Variants in SYNDIG1 observed in about 807,000 individuals in gnomAD.
SYNDIG1 encodes the protein synapse differentiation inducing 1, also known as synapse differentiation-inducing gene protein 1.
A neutral mutation model predicts 19.4 loss-of-function variants in SYNDIG1; 9 were observed. The observed-to-expected ratio is 0.46, with a 90% CI of 0.28 to 0.81. The LOEUF is 0.81. SYNDIG1 is among the 30% of genes least tolerant of loss of function. The pLI is 0.12. For synonymous variants in SYNDIG1, 141 were observed against 145.9 expected, an observed-to-expected ratio of 0.97 and a Z score of 0.24; for missense variants, 311 against 343.3, an observed-to-expected ratio of 0.91 and a Z score of 0.74.
At chr20:24,524,527 C>G (rs959216935) in intron 1 of SYNDIG1, among the ~76,000 whole-genome samples, 1 of 152,028 alleles carries the variant, frequency 6.6e-6, no homozygotes, top group African/African-American at 2.4e-5. Flanking sequence ...CGCCTGTAGT[C>G]CCAGCTACCC....
intron 2 of SYNDIG1, among the ~76,000 whole-genome samples, chr20:24,581,918 A>G (rs2058329909): frequency 6.9e-6 from 1 of 144,850 alleles, no homozygotes; most frequent in African/African-American, 2.6e-5. Flanking sequence ...CATCCTCTGC[A>G]CTGTACGTCC....
At chr20:24,627,278 G>GA (rs527297816) in intron 3 of SYNDIG1, among the ~76,000 whole-genome samples, 305 of 152,318 alleles carry the variant, frequency 2.0e-3, no homozygotes, top group African/African-American at 6.9e-3. Flanking sequence ...CCAGTCCCTT[G>GA]AAAATACAAA....
chr20:24,473,861 A>G (rs537418656), intron 1 of SYNDIG1, among the ~76,000 whole-genome samples: 2 of 152,328 alleles, frequency 1.3e-5, no homozygotes, highest in South Asian at 4.1e-4. Flanking sequence ...TGGTTTTCAA[A>G]ATCCTGGAAA....
At chr20:24,637,270 G>A (rs2059325566) in intron 3 of SYNDIG1, among the ~76,000 whole-genome samples, 1 of 152,170 alleles carries the variant, frequency 6.6e-6, no homozygotes, top group Admixed American at 6.5e-5. Flanking sequence ...CCAGCACTCT[G>A]TGGTGTGTCT....
intron 1 of SYNDIG1, among the ~76,000 whole-genome samples, chr20:24,505,226 G>A (rs773978837): frequency 1.3e-5 from 2 of 152,058 alleles, no homozygotes; most frequent in Non-Finnish European, 2.9e-5. Context: ...CTGGCAAAGA[G>A]TCATTGAGAA....
chr20:24,584,412 C>G (rs1200708611), intron 2 of SYNDIG1, among the ~76,000 whole-genome samples: 1 of 152,122 alleles, frequency 6.6e-6, no homozygotes, highest in Non-Finnish European at 1.5e-5. Context: ...CTGAGAGTCT[C>G]CAGTCCATCC....
At chr20:24,523,594 A>G (rs1002522522) in intron 1 of SYNDIG1, among the ~76,000 whole-genome samples, 1 of 152,236 alleles carries the variant, frequency 6.6e-6, no homozygotes, top group Non-Finnish European at 1.5e-5. Context: ...CAGATAAAGG[A>G]AAATATAGTG....
intron 3 of SYNDIG1, among the ~76,000 whole-genome samples, chr20:24,589,700 C>A (rs1460641964): frequency 6.6e-6 from 1 of 152,200 alleles, no homozygotes; most frequent in Non-Finnish European, 1.5e-5. Context: ...GATCTAATTT[C>A]ATTTCATAAA....
intron 3 of SYNDIG1, among the ~76,000 whole-genome samples, chr20:24,644,475 G>A (rs373855248): frequency 1.3e-5 from 2 of 152,212 alleles, no homozygotes; most frequent in East Asian, 3.8e-4. Context: ...ACAGTGGAGT[G>A]CAGGAAGAGG....
chr20:24,571,668 C>G (rs1317408472), intron 2 of SYNDIG1, among the ~76,000 whole-genome samples: 2 of 152,048 alleles, frequency 1.3e-5, no homozygotes, highest in East Asian at 3.9e-4. Flanking sequence ...CATTTTAGAA[C>G]AGTGAAGAAA....
intron 3 of SYNDIG1, among the ~76,000 whole-genome samples, chr20:24,617,484 C>A (rs2058955517): frequency 6.6e-6 from 1 of 152,218 alleles, no homozygotes; most frequent in Non-Finnish European, 1.5e-5. Flanking sequence ...GCCTGTGAGA[C>A]AAGACCTTTA....
intron 1 of SYNDIG1, among the ~76,000 whole-genome samples, chr20:24,527,380 CTTG>C (rs755756682): frequency 1.3e-5 from 2 of 152,104 alleles, no homozygotes; most frequent in South Asian, 2.1e-4. Flanking sequence ...CTGGTAGTCA[CTTG>C]TCACTTGCTC....
chr20:24,537,986 A>G (rs1220554198), intron 1 of SYNDIG1, among the ~76,000 whole-genome samples: 2 of 152,046 alleles, frequency 1.3e-5, no homozygotes. Flanking sequence ...ATGATTTTAA[A>G]CAAGTCCCAG....
intron 3 of SYNDIG1, among the ~76,000 whole-genome samples, chr20:24,660,375 T>G (rs559413126): frequency 6.6e-6 from 1 of 152,270 alleles, no homozygotes; most frequent in African/African-American, 2.4e-5. Context: ...GCAGGGGAAT[T>G]TTGGTTTTTC....
At chr20:24,590,275 G>C (rs1238254499) in intron 3 of SYNDIG1, among the ~76,000 whole-genome samples, 1 of 152,072 alleles carries the variant, frequency 6.6e-6, no homozygotes, top group Non-Finnish European at 1.5e-5. Flanking sequence ...AGGTGGGGCC[G>C]GCGCGGCGGG....
intron 1 of SYNDIG1, among the ~76,000 whole-genome samples, chr20:24,476,331 T>G (rs2055624331): frequency 6.6e-6 from 1 of 152,218 alleles, no homozygotes; most frequent in Non-Finnish European, 1.5e-5. Flanking sequence ...TTGTTATTTC[T>G]AAGTTTATTC....
At chr20:24,515,048 G>A (rs1484638452) in intron 1 of SYNDIG1, among the ~76,000 whole-genome samples, 1 of 152,136 alleles carries the variant, frequency 6.6e-6, no homozygotes, top group Non-Finnish European at 1.5e-5. Flanking sequence ...CGAAATGAAG[G>A]CAGAAATAAA....
At chr20:24,502,462 T>C (rs1316739828) in intron 1 of SYNDIG1, 2 of 152,100 alleles carry the variant, frequency 1.3e-5, no homozygotes, top group South Asian at 4.1e-4. Context: ...CGTCCTGGCC[T>C]CTCCAGGATG....
Position 24,584,931 on chromosome 20 carries a change from G to A in SYNDIG1, c.556G>A (p.Val186Ile), listed in dbSNP as rs548433979. The A allele has an allele frequency of 6.2e-7, 1 of 1,613,566 alleles. No homozygotes were observed. The highest frequency in any genetic ancestry group is 8.5e-7 in the Non-Finnish European group (1 of 1,179,978). ...MPPRDHLGLSVFSMLCCFWPL... is the reference protein window; with the variant it reads ...MPPRDHLGLSIFSMLCCFWPL... ...CCCGCGGGACCACCTGGGCCTCAGT[G>A]TCTTCTCCATGCTCTGCTGCTTCTG... Residue 186 changes from valine to isoleucine, a missense_variant, in exon 3 of 4, where the codon GTC (valine) becomes ATC (isoleucine). Val to Ile is a conservative substitution (Grantham distance 29). Coordinates refer to ENST00000376862, the MANE Select transcript of SYNDIG1 (RefSeq NM_024893.3).
Sources: gnomAD v4.1 joint callset for allele counts (sites outside exome capture counted in the v4.1 genomes callset) on GRCh38, gnomAD v4.1.1 for gene constraint, MANE v1.5 for transcripts, NCBI Gene and HGNC (gene_info 2026-07-23, HGNC 2026-07-21) for gene names.